PCDHGA1: variants seen among roughly 807,000 people sequenced by gnomAD.
PCDHGA1 encodes protocadherin gamma subfamily A, 1, also known as protocadherin gamma-A1.
In PCDHGA1, 32 loss-of-function variants were observed where a neutral mutation model predicts 58.0. The observed-to-expected ratio is 0.55, with a 90% confidence interval of 0.42 to 0.74. PCDHGA1 has a LOEUF of 0.74. PCDHGA1 is among the 30% of genes least tolerant of loss of function. PCDHGA1 has a pLI of 0.00. For missense variants in PCDHGA1, 1,205 were observed against 1,182.3 expected, an observed-to-expected ratio of 1.02 and a Z score of -0.28; for synonymous variants, 498 against 501.1, an observed-to-expected ratio of 0.99 and a Z score of 0.08.
At chr5:141,347,574 G>C (rs1413545909) in intron 1 of PCDHGA1, among the ~76,000 whole-genome samples, 8 of 152,106 alleles carry the variant, frequency 5.3e-5, no homozygotes, top group Admixed American at 3.3e-4. Context: ...ATCACTTGAA[G>C]TCAGGAGTTC....
chr5:141,383,924 A>T (rs1215078494), intron 1 of PCDHGA1: 1 of 1,613,832 alleles, frequency 6.2e-7, no homozygotes, highest in Non-Finnish European at 8.5e-7. Context: ...GATGTAAATG[A>T]TAATGCTCCA....
chr5:141,473,233 C>T (rs116489525), intron 1 of PCDHGA1, among the ~76,000 whole-genome samples: 1,684 of 152,238 alleles, frequency 0.011, 34 homozygotes, highest in African/African-American at 0.039. Flanking sequence ...ATTGGATCCA[C>T]ACAAGTGAAT....
At chr5:141,374,328 G>T in intron 1 of PCDHGA1, 1 of 1,613,996 alleles carries the variant, frequency 6.2e-7, no homozygotes, top group Non-Finnish European at 8.5e-7. Flanking sequence ...CCGCGAAACG[G>T]CAGCTTGGTC....
chr5:141,462,183 C>A (rs1439465872), intron 1 of PCDHGA1, among the ~76,000 whole-genome samples: 1 of 152,158 alleles, frequency 6.6e-6, no homozygotes. Flanking sequence ...TGGTCTTGAA[C>A]TCCTGACCTC....
At chr5:141,478,498 G>A in intron 1 of PCDHGA1, 8 of 1,612,712 alleles carry the variant, frequency 5.0e-6, no homozygotes, top group South Asian at 1.1e-5. Context: ...GCTGTGATCC[G>A]GTGTTCTATA....
intron 1 of PCDHGA1, chr5:141,389,156 T>C (rs2091626888): frequency 6.2e-7 from 1 of 1,613,950 alleles, no homozygotes; most frequent in Non-Finnish European, 8.5e-7. Flanking sequence ...CGGCAACAGA[T>C]CGGGGCAAGC....
At position 141,431,566 on chromosome 5, in the gene PCDHGA1, T is replaced by G; in HGVS notation, c.2422-63241T>G. ...TGCTTGTAGTCAACGCTACCGACCCTGACGAAGGAGTCAATGCGGAAGTGA... is the reference window on the plus strand; with the variant it reads ...TGCTTGTAGTCAACGCTACCGACCCGGACGAAGGAGTCAATGCGGAAGTGA... On this transcript the variant is annotated intron_variant, in intron 1 of 3. Transcript: ENST00000517417. This position sits in a 1 kb window ranked among gnomAD's most constrained non-coding sequence, Gnocchi z 4.8. 6.2e-7 allele frequency: 1 copy of G among 1,614,128 alleles called. No homozygotes were observed. The highest frequency in any genetic ancestry group is 1.1e-5 in the South Asian group (1 of 91,088).
chr5:141,419,981 A>C, intron 1 of PCDHGA1: 2 of 1,614,052 alleles, frequency 1.2e-6, no homozygotes, highest in Non-Finnish European at 1.7e-6. Context: ...CCTCGCGGTG[A>C]TTCTAGCTAT....
intron 1 of PCDHGA1, chr5:141,390,154 C>A: frequency 6.2e-7 from 1 of 1,614,038 alleles, no homozygotes; most frequent in African/African-American, 1.3e-5. Flanking sequence ...GTTGCACATA[C>A]AGGAAAGACG....
In PCDHGA1 at chr5:141,415,072, G is replaced by A. The variant is rs558067255; in HGVS notation, c.2422-79735G>A. On this transcript the variant is annotated intron_variant, in intron 1 of 3. Coordinates refer to ENST00000517417, the MANE Select transcript of PCDHGA1 (RefSeq NM_018912.3). ...GGAGCACACGGGCGAGGTGCGCACG[G>A]CGCGAGCCCTGCTGGACAGAGACGC... 6.2e-5 allele frequency: 100 copies of A among 1,613,418 alleles called. No individual in the cohort carries two copies. The East Asian group carries it at 2.0e-3, about 32-fold the overall frequency.
chr5:141,397,510 C>T (rs979129643), intron 1 of PCDHGA1, among the ~76,000 whole-genome samples: 2 of 152,098 alleles, frequency 1.3e-5, no homozygotes, highest in African/African-American at 2.4e-5. Context: ...AAAATTGTTT[C>T]CATAGCTAAT....
intron 1 of PCDHGA1, chr5:141,419,543 G>A (rs573594140): frequency 2.5e-5 from 40 of 1,612,106 alleles, no homozygotes; most frequent in African/African-American, 2.0e-4. Context: ...CGCACCGCGG[G>A]TGCTGTACCC....
chr5:141,455,616 A>G (rs2154565146), intron 1 of PCDHGA1, among the ~76,000 whole-genome samples: 1 of 152,244 alleles, frequency 6.6e-6, no homozygotes, highest in South Asian at 2.1e-4. Flanking sequence ...GGATGTTCTA[A>G]ACACGTGGAG....
At chr5:141,366,079 A>G (rs368547508) in intron 1 of PCDHGA1, 2 of 1,614,220 alleles carry the variant, frequency 1.2e-6, no homozygotes, top group East Asian at 2.2e-5. Context: ...GCTCCGCAGA[A>G]CCTGGCTACC....
rs1757952435 is a variant in PCDHGA1 at position 141,347,324 on chromosome 5, T to C, written c.2421+14219T>C. On this transcript the variant is annotated intron_variant, in intron 1 of 3. Coordinates refer to ENST00000517417, the MANE Select transcript of PCDHGA1 (RefSeq NM_018912.3). ...ACGAGCCACCCTCCCAGCTAATTTG[T>C]TTTTGTTTTTGTAGAGATGGGGCAA... 2.6e-5 allele frequency among the ~76,000 whole-genome samples: 4 copies of C among 151,966 alleles called. No homozygotes were observed. The South Asian group carries it at 6.2e-4, about 24-fold the overall frequency.
At position 141,444,986 on chromosome 5, in the gene PCDHGA1, T is replaced by C. The variant is rs990862582; in HGVS notation, c.2422-49821T>C. On this transcript the variant is annotated intron_variant, in intron 1 of 3. Transcript: ENST00000517417. ...TGACACTTCAAATCCATGAACATGG[T>C]ATATATTTCCATTTAATTAGGTCTT... Among the ~76,000 whole-genome samples, 4 of 152,206 alleles carry C rather than the reference T, an allele frequency of 2.6e-5. No individual in the cohort carries two copies. The East Asian group carries it at 7.7e-4, about 29-fold the overall frequency.
At chr5:141,413,118 G>C (rs999214227) in intron 1 of PCDHGA1, 1 of 1,517,152 alleles carries the variant, frequency 6.6e-7, no homozygotes, top group Non-Finnish European at 8.9e-7. Flanking sequence ...CAAAGGAACC[G>C]GTTGAAACAC....
At chr5:141,356,880 T>C in intron 1 of PCDHGA1, 3 of 1,614,204 alleles carry the variant, frequency 1.9e-6, no homozygotes, top group Non-Finnish European at 8.5e-7. Flanking sequence ...ACAATGTCCC[T>C]GAGATCCTGT....
At chr5:141,441,791 C>T in intron 1 of PCDHGA1, 1 of 390,714 alleles carries the variant, frequency 2.6e-6, no homozygotes, top group Non-Finnish European at 5.1e-6. Flanking sequence ...TGAATGACAA[C>T]GCACCGCGGG....
Sources: gnomAD v4.1 joint callset for allele counts (sites outside exome capture counted in the v4.1 genomes callset) on GRCh38, gnomAD v4.1.1 for gene constraint, Gnocchi (gnomAD v3.1) non-coding constraint, MANE v1.5 for transcripts, NCBI Gene and HGNC (gene_info 2026-07-23, HGNC 2026-07-21) for gene names.